MOB1A: variants seen among roughly 807,000 people sequenced by gnomAD.
MOB1A encodes MOB1 Mps One Binder homolog A.
In MOB1A, 10 loss-of-function variants were observed where a neutral mutation model predicts 25.1. The ratio of observed to expected loss-of-function variants is 0.40; its 90% CI spans 0.25 to 0.68. The LOEUF (loss-of-function observed/expected upper bound fraction) is 0.68. MOB1A is among the 30% of genes least tolerant of loss of function. The pLI is 0.40. For missense variants in MOB1A, 177 were observed against 256.3 expected (o/e 0.69, Z 2.11); for synonymous variants, 81 against 79.5 (o/e 1.02, Z -0.10).
chr2:74,172,387 G>C (rs879562739), intron 2 of MOB1A, among the ~76,000 whole-genome samples, 199 bp downstream of exon 2: 3 of 152,058 alleles, frequency 2.0e-5, no homozygotes, highest in Admixed American at 2.0e-4. Flanking sequence ...TTTCTCCTCA[G>C]CTCCCTCTAC....
At chr2:74,172,457 T>A in intron 2 of MOB1A, 129 bp downstream of exon 2, 1 of 886,360 alleles carries the variant, frequency 1.1e-6, no homozygotes. Context: ...TGGATGTATT[T>A]GTACTTAATG....
chr2:74,169,240 G>A (rs999915245), intron 2 of MOB1A, among the ~76,000 whole-genome samples: 2 of 152,154 alleles, frequency 1.3e-5, no homozygotes, highest in African/African-American at 2.4e-5. Flanking sequence ...AGTGGCTCAC[G>A]CCTGTAATCC....
At chr2:74,161,534 G>A (rs992220983) in intron 4 of MOB1A, among the ~76,000 whole-genome samples, 18 of 150,738 alleles carry the variant, frequency 1.2e-4, no homozygotes, top group Non-Finnish European at 1.0e-4. Flanking sequence ...CCAGCTACTC[G>A]GGAGGCTGAG....
At chr2:74,158,385 C>T (rs1692863541) in intron 5 of MOB1A, among the ~76,000 whole-genome samples, 1 of 152,080 alleles carries the variant, frequency 6.6e-6, no homozygotes, top group Non-Finnish European at 1.5e-5. Flanking sequence ...TCTAGACAGA[C>T]ATGTATATGT....
intron 1 of MOB1A, among the ~76,000 whole-genome samples, chr2:74,177,111 G>A (rs900369971): frequency 6.6e-6 from 1 of 152,016 alleles, no homozygotes; most frequent in Non-Finnish European, 1.5e-5. Context: ...TCAGGAGTTC[G>A]AGACCAGCCT....
rs149396468 is a variant in MOB1A, at chr2:74,163,378, G to A, written c.409+1840C>T. Among the ~76,000 whole-genome samples the A allele has an allele frequency of 1.2e-3, 190 of 152,270 alleles. 1 individual carries two copies. The highest frequency in any genetic ancestry group is 2.2e-3 in the Non-Finnish European group (151 of 68,016). Reference sequence around the variant, plus strand: ...TGGCCAGTCCTGGTGGCTGACACCTGTAATTCCAACACTTTTGGAAGGCCA... The same window carrying A: ...TGGCCAGTCCTGGTGGCTGACACCTATAATTCCAACACTTTTGGAAGGCCA... On this transcript the variant is annotated intron_variant, in intron 4 of 5. Transcript: ENST00000396049.
At chr2:74,174,361 C>T (rs537144798) in intron 1 of MOB1A, among the ~76,000 whole-genome samples, 1 of 151,924 alleles carries the variant, frequency 6.6e-6, no homozygotes, top group East Asian at 1.9e-4. Context: ...TTTGAGAGAC[C>T]AAGGCAGGAG....
intron 5 of MOB1A, among the ~76,000 whole-genome samples, chr2:74,158,670 T>C (rs1303527772): frequency 1.3e-5 from 2 of 150,696 alleles, no homozygotes; most frequent in African/African-American, 4.9e-5. Context: ...TCACAGCTAT[T>C]CGGGAGGCCG....
intron 5 of MOB1A, among the ~76,000 whole-genome samples, chr2:74,157,141 C>T (rs1692828094): frequency 6.8e-6 from 1 of 147,896 alleles, no homozygotes; most frequent in South Asian, 2.2e-4. Flanking sequence ...GCCCTCTCCC[C>T]TTCCCAGATC....
intron 5 of MOB1A, among the ~76,000 whole-genome samples, chr2:74,157,942 G>A (rs1440351278): frequency 6.6e-6 from 1 of 152,096 alleles, no homozygotes; most frequent in Non-Finnish European, 1.5e-5. Context: ...AGCATTTTGG[G>A]AGGACAAGGT....
chr2:74,173,948 C>CA (rs773447145), intron 1 of MOB1A, among the ~76,000 whole-genome samples: 7,227 of 55,862 alleles, frequency 0.13, 437 homozygotes, highest in East Asian at 0.32. Flanking sequence ...AACTCCGTCT[C>CA]AAAAAAAAAA....
At chr2:74,170,174 C>T (rs1267570063) in intron 2 of MOB1A, among the ~76,000 whole-genome samples, 3 of 151,992 alleles carry the variant, frequency 2.0e-5, no homozygotes, top group Admixed American at 1.3e-4. Context: ...TGGAGTCTTG[C>T]TCTGTCGCCC....
At chr2:74,169,800 T>C (rs987680395) in intron 2 of MOB1A, among the ~76,000 whole-genome samples, 1 of 151,864 alleles carries the variant, frequency 6.6e-6, no homozygotes, top group African/African-American at 2.4e-5. Context: ...AGCAAATTTT[T>C]GTATTTTTAG....
At chr2:74,174,269 C>CAAAAAAAAAAAAA (rs760925429) in intron 1 of MOB1A, among the ~76,000 whole-genome samples, 1 of 80,726 alleles carries the variant, frequency 1.2e-5, no homozygotes, top group Non-Finnish European at 2.8e-5. Flanking sequence ...GACTCCGTCT[C>CAAAAAAAAAAAAA]AAAAAAAAAA....
rs1692815617 is a variant in MOB1A at position 74,156,657 on chromosome 2, A to G, written c.574-12T>C. On this transcript the variant is annotated splice_polypyrimidine_tract_variant and intron_variant, in intron 5 of 5. Coordinates refer to ENST00000396049, the MANE Select transcript of MOB1A (RefSeq NM_018221.5). ...ATCAGATTAAACTCCTAAAAAGAGA[A>G]GAAAAATAACAATTAAAAATGGATC... 4.6e-6 allele frequency: 7 copies of G among 1,535,814 alleles called. No individual in the cohort carries two copies. The highest frequency in any genetic ancestry group is 6.2e-6 in the Non-Finnish European group (7 of 1,135,024).
At chr2:74,159,825 C>A (rs1393466813) in intron 4 of MOB1A, among the ~76,000 whole-genome samples, 13 of 110,210 alleles carry the variant, frequency 1.2e-4, no homozygotes, top group African/African-American at 3.7e-4. Context: ...TTGTCCCCCC[C>A]CCCACCCCGG....
intron 3 of MOB1A, among the ~76,000 whole-genome samples, chr2:74,166,394 T>C (rs1034643685): frequency 2.6e-5 from 4 of 152,212 alleles, no homozygotes; most frequent in African/African-American, 9.6e-5. Context: ...TAAATGTTAT[T>C]AATAAAATTG....
chr2:74,178,601 G>A, intron 1 of MOB1A, 60 bp downstream of exon 1: 1 of 1,293,808 alleles, frequency 7.7e-7, no homozygotes, highest in Non-Finnish European at 1.0e-6. Flanking sequence ...TCAGGTCCGG[G>A]GAGGCCTCCC....
chr2:74,165,672 C>T (rs565912126), intron 3 of MOB1A, among the ~76,000 whole-genome samples: 8 of 152,262 alleles, frequency 5.3e-5, no homozygotes, highest in Middle Eastern at 3.4e-3. Flanking sequence ...GGCATGGAGC[C>T]GATGGATCCA....
Sources: gnomAD v4.1 joint callset for allele counts (sites outside exome capture counted in the v4.1 genomes callset) on GRCh38, gnomAD v4.1.1 for gene constraint, MANE v1.5 for transcripts, NCBI Gene and HGNC (gene_info 2026-07-23, HGNC 2026-07-21) for gene names.